The following RIC1 variants were observed in gnomAD, a reference collection of about 807,000 sequenced individuals.
The protein encoded by RIC1 is guanine nucleotide exchange factor subunit RIC1.
RIC1 carries 88 observed loss-of-function variants against 169.0 expected under a neutral mutation model. The ratio of observed to expected loss-of-function variants is 0.52; its 90% CI spans 0.44 to 0.62. The LOEUF (loss-of-function observed/expected upper bound fraction) is 0.62, where lower values mean the gene tolerates loss of function less well. Among genes scored for constraint, RIC1 ranks in the 20% least tolerant of loss-of-function variants. The pLI is 0.00. For synonymous variants in RIC1, 790 were observed against 601.5 expected (o/e 1.31, Z -4.59); for missense variants, 1,877 against 1,725.5 (o/e 1.09, Z -1.56).
rs890301381 is a variant in RIC1, at chr9:5,629,373, C to A, written c.64C>A (p.Pro22Thr). ...CCCTCTGGGGAGCCCGGCCGAGGCG[C>A]CTTTCCACGTTCAGTCCGACCCGCA... ...LCPLGSPAEA[P>T]FHVQSDPQRA... The change falls in exon 1 of 26, where the codon CCT becomes ACT. Residue 22 changes from proline (P) to threonine (T), a missense_variant. Transcript: ENST00000414202. 2.0e-6 allele frequency: 3 copies of A among 1,533,274 alleles called. No individual in the cohort carries two copies. The African/African-American group carries it at 4.1e-5, about 21-fold the overall frequency. 95.0% of individuals were successfully genotyped at this position (1,533,274 alleles called of 1,614,324 possible). A position where few individuals can be genotyped will look rare whatever the true frequency, so the allele number is the denominator to read the frequency against.
intron 1 of RIC1, among the ~76,000 whole-genome samples, chr9:5,647,647 G>T (rs1330298941): frequency 1.3e-5 from 2 of 152,110 alleles, no homozygotes; most frequent in African/African-American, 4.8e-5. Context: ...TGTTGTTGTT[G>T]TGGAATCTTT....
chr9:5,701,960 C>T (rs953419678), intron 3 of RIC1, among the ~76,000 whole-genome samples: 1 of 152,122 alleles, frequency 6.6e-6, no homozygotes, highest in African/African-American at 2.4e-5. Flanking sequence ...CATCAATTGC[C>T]TGGAATAGCT....
chr9:5,742,597 A>C (rs1469932281), intron 8 of RIC1, among the ~76,000 whole-genome samples: 5 of 152,098 alleles, frequency 3.3e-5, no homozygotes, highest in Non-Finnish European at 7.4e-5. Context: ...AAGATTACGC[A>C]GTTATAAGTT....
At chr9:5,669,581 A>G (rs1819972472) in intron 2 of RIC1, among the ~76,000 whole-genome samples, 1 of 152,338 alleles carries the variant, frequency 6.6e-6, no homozygotes, top group Admixed American at 6.5e-5. Context: ...ATCAAAATTC[A>G]GCAGATGTCT....
In RIC1 at chr9:5,763,953, T is replaced by G; in HGVS notation, c.2841+85T>G. The G allele has an allele frequency of 7.0e-7, 1 of 1,427,242 alleles. No individual in the cohort carries two copies. Among genetic ancestry groups the G allele is most frequent in the Non-Finnish European group, 9.5e-7 (1 of 1,056,908 alleles). The allele number at this position is 1,427,242 out of a possible 1,614,324, so 88.4% of individuals were successfully genotyped here. A position where few individuals can be genotyped will look rare whatever the true frequency, so the allele number is the denominator to read the frequency against. The stretch of plus-strand genomic sequence containing the variant: ...AAATGTCCTGTTTTGACACCATGAT[T>G]GTGTTTAAGGAATTCATAGTCAAAT... On this transcript the variant is annotated intron_variant, in intron 19 of 25. Transcript: ENST00000414202. The surrounding 1 kb of genome is among the most constrained non-coding windows in gnomAD (Gnocchi z 5.2).
chr9:5,772,769 A>G (rs1168651533), intron 24 of RIC1, 28 bp downstream of exon 24: 3 of 1,590,956 alleles, frequency 1.9e-6, no homozygotes, highest in Non-Finnish European at 2.6e-6. Context: ...TTGAAATCAC[A>G]GAATGCCTAC....
rs565539988 is a variant in RIC1 at position 5,718,052 on chromosome 9, A to T, written c.441-2130A>T. 3.5e-5 allele frequency among the ~76,000 whole-genome samples: 5 copies of T among 142,694 alleles called. No individual in the cohort carries two copies. In the South Asian group the frequency reaches 1.2e-3, roughly 33 times the overall value. The allele number at this position is 142,694 out of a possible 152,430, so 93.6% of individuals were successfully genotyped here. ...CTACTAGGGAGGCTGAGGCAGGAGA[A>T]TCACTTGAACCTGGGAGGCAGAGGT... On this transcript the variant is annotated intron_variant, in intron 4 of 25. Transcript: ENST00000414202.
intron 6 of RIC1, among the ~76,000 whole-genome samples, chr9:5,721,202 T>C (rs892863681): frequency 6.6e-6 from 1 of 152,232 alleles, no homozygotes; most frequent in Non-Finnish European, 1.5e-5. Flanking sequence ...ATTAATTGTT[T>C]ATATTTTTAT....
rs753125878 is a variant in RIC1, at chr9:5,763,368, G to T, written c.2341G>T (p.Val781Phe). 6.2e-7 allele frequency: 1 copy of T among 1,614,120 alleles called. No homozygotes were observed. The highest frequency in any genetic ancestry group is 1.7e-5 in the Admixed American group (1 of 60,008). Reference sequence around the variant, plus strand: ...CCACATCAACATTTACCCGCTAGCTGTTCTGTTTGAAGATGCTTTAGTCCT... The same window carrying T: ...CCACATCAACATTTACCCGCTAGCTTTTCTGTTTGAAGATGCTTTAGTCCT... ...PFHINIYPLA[V>F]LFEDALVLGA... The change falls in exon 19 of 26, where the codon GTT becomes TTT. Residue 781 changes from valine (V) to phenylalanine (F), a missense_variant. Val to Phe is a conservative substitution (Grantham distance 50). Coordinates refer to ENST00000414202, the MANE Select transcript of RIC1 (RefSeq NM_020829.4). This position sits in a 1 kb window ranked among gnomAD's most constrained non-coding sequence, Gnocchi z 5.2.
intron 1 of RIC1, among the ~76,000 whole-genome samples, chr9:5,647,481 C>T (rs910364259): frequency 6.6e-6 from 1 of 152,146 alleles, no homozygotes; most frequent in African/African-American, 2.4e-5. Context: ...TAATTTCTTT[C>T]AGTGATATTT....
chr9:5,705,721 A>C (rs1295669748), intron 3 of RIC1, among the ~76,000 whole-genome samples: 1 of 152,236 alleles, frequency 6.6e-6, no homozygotes, highest in Non-Finnish European at 1.5e-5. Context: ...TCGTAGCGGG[A>C]AAACTTTCAG....
intron 6 of RIC1, among the ~76,000 whole-genome samples, chr9:5,724,871 G>A (rs1397727020): frequency 6.6e-6 from 1 of 152,094 alleles, no homozygotes; most frequent in Non-Finnish European, 1.5e-5. Flanking sequence ...ATTGATTTTC[G>A]TATCTTGAAC....
chr9:5,660,696 GA>G lies in RIC1; in HGVS notation c.252+4007del, dbSNP rs769781593. Among the ~76,000 whole-genome samples the G allele has an allele frequency of 7.9e-4, 119 of 150,618 alleles. 1 individual carries two copies. In the East Asian group the frequency reaches 0.016, roughly 21 times the overall value. On this transcript the variant is annotated intron_variant, in intron 2 of 25. Transcript: ENST00000414202. ...ATGTCCTTTGCCCACTTCTTAATGG[GA>G]TTTTTTTTTTCTTGTAAGTTATTAA...
intron 2 of RIC1, among the ~76,000 whole-genome samples, chr9:5,668,834 C>G (rs1430576026): frequency 6.6e-6 from 1 of 152,048 alleles, no homozygotes; most frequent in Non-Finnish European, 1.5e-5. Context: ...GCTCATTGAA[C>G]ATATTTAAGA....
At chr9:5,760,218 G>A (rs1057403940) in intron 17 of RIC1, among the ~76,000 whole-genome samples, 6 of 152,134 alleles carry the variant, frequency 3.9e-5, no homozygotes, top group Admixed American at 6.5e-5. Context: ...TCTGCCAGGG[G>A]TTTTTTTAGG....
intron 9 of RIC1, 90 bp from the exon 10 acceptor site, chr9:5,743,599 A>C: frequency 9.5e-7 from 1 of 1,051,820 alleles, no homozygotes; most frequent in Non-Finnish European, 1.4e-6. Flanking sequence ...AAGGAGCAAA[A>C]TCCGTTTGAT....
chr9:5,740,552 G>A (rs1229650755), intron 8 of RIC1, among the ~76,000 whole-genome samples: 1 of 151,620 alleles, frequency 6.6e-6, no homozygotes, highest in African/African-American at 2.4e-5. Flanking sequence ...GCAGGCTGAG[G>A]AGGAAGGAGA....
intron 6 of RIC1, among the ~76,000 whole-genome samples, chr9:5,728,459 T>C (rs1198525530): frequency 6.6e-6 from 1 of 152,230 alleles, no homozygotes; most frequent in African/African-American, 2.4e-5. Context: ...CCTTTGGCTA[T>C]GAAAAGGAAT....
At chr9:5,698,980 C>T (rs890282113) in intron 3 of RIC1, among the ~76,000 whole-genome samples, 3 of 152,158 alleles carry the variant, frequency 2.0e-5, no homozygotes, top group Non-Finnish European at 2.9e-5. Flanking sequence ...TGTTCAAAAG[C>T]AAGTCTCAGA....
Sources: allele counts gnomAD v4.1 joint callset (sites outside exome capture counted in the v4.1 genomes callset), GRCh38; gene constraint gnomAD v4.1.1; non-coding constraint Gnocchi (gnomAD v3.1); transcripts MANE v1.5; gene names NCBI Gene and HGNC (gene_info 2026-07-23, HGNC 2026-07-21).